The following LARGE1 variants were observed in gnomAD, a reference collection of about 807,000 sequenced individuals.
The protein encoded by LARGE1 is LARGE xylosyl- and glucuronyltransferase 1.
In LARGE1, 43 loss-of-function variants were observed where a neutral mutation model predicts 87.6. That is an observed-to-expected ratio of 0.49 (90% confidence interval 0.38 to 0.63). The LOEUF (loss-of-function observed/expected upper bound fraction) is 0.63. LARGE1 is among the 30% of genes least tolerant of loss of function. The pLI, the probability that LARGE1 is intolerant of heterozygous loss-of-function variation, is 0.00. For synonymous variants in LARGE1, 434 were observed against 394.6 expected (o/e 1.10, Z -1.18); for missense variants, 802 against 1,000.2 (o/e 0.80, Z 2.67).
intron 13 of LARGE1, among the ~76,000 whole-genome samples, chr22:33,277,704 C>A (rs1315689259): frequency 1.3e-5 from 2 of 152,186 alleles, no homozygotes; most frequent in African/African-American, 4.8e-5. Context: ...TCTTGGACTT[C>A]CGGCCTCCAG....
intron 12 of LARGE1, among the ~76,000 whole-genome samples, chr22:33,299,310 T>C (rs1220911611): frequency 1.0e-5 from 1 of 96,922 alleles, no homozygotes; most frequent in Non-Finnish European, 2.1e-5. Context: ...AGGAAAGGAG[T>C]GGAGGGGAGG....
chr22:33,534,168 G>A (rs1430442986), intron 6 of LARGE1, among the ~76,000 whole-genome samples: 1 of 152,054 alleles, frequency 6.6e-6, no homozygotes, highest in Non-Finnish European at 1.5e-5. Context: ...ACTTTGGGAG[G>A]CCGAGGCAGG....
chr22:33,678,461 GGGGTGACT>G (rs1234784494), intron 2 of LARGE1, among the ~76,000 whole-genome samples: 1 of 152,154 alleles, frequency 6.6e-6, no homozygotes, highest in African/African-American at 2.4e-5. Context: ...TGGGGGAGGA[GGGGTGACT>G]GACATCGCAA....
chr22:33,745,374 C>G (rs1335125246), intron 2 of LARGE1, among the ~76,000 whole-genome samples: 2 of 152,158 alleles, frequency 1.3e-5, no homozygotes, highest in Non-Finnish European at 2.9e-5. Flanking sequence ...CCACTCACCT[C>G]TGAGTGTTTA....
chr22:33,716,097 G>T (rs1465558082), intron 2 of LARGE1, among the ~76,000 whole-genome samples: 2 of 152,018 alleles, frequency 1.3e-5, no homozygotes, highest in African/African-American at 4.8e-5. Context: ...CAGGTCACAG[G>T]TACCTCTTAC....
intron 9 of LARGE1, among the ~76,000 whole-genome samples, chr22:33,368,776 C>T (rs2064693005): frequency 6.6e-6 from 1 of 152,096 alleles, no homozygotes; most frequent in South Asian, 2.1e-4. Context: ...TTTTCCGATA[C>T]ATATAAAAAT....
rs141820138 is a variant in LARGE1 at position 33,616,868 on chromosome 22, G to A, written c.491+9376C>T. Among the ~76,000 whole-genome samples the A allele has an allele frequency of 2.4e-3, 359 of 152,308 alleles. 3 individuals are homozygous for A. The highest frequency in any genetic ancestry group is 6.8e-3 in the Middle Eastern group (2 of 294). On this transcript the variant is annotated intron_variant, in intron 4 of 14. Transcript: ENST00000397394. ...GATTTCTTTTTAAGGTTATAAAAAT[G>A]CTCTGATATTAAATACTGAGGATAG...
intron 5 of LARGE1, among the ~76,000 whole-genome samples, chr22:33,577,157 A>C (rs1408294218): frequency 6.6e-6 from 1 of 152,216 alleles, no homozygotes; most frequent in Non-Finnish European, 1.5e-5. Context: ...ACAGACACAA[A>C]AGTTGGTTCT....
At chr22:33,353,046 T>G (rs1940543946) in intron 9 of LARGE1, among the ~76,000 whole-genome samples, 1 of 152,184 alleles carries the variant, frequency 6.6e-6, no homozygotes, top group Non-Finnish European at 1.5e-5. Flanking sequence ...CCTAATTGGA[T>G]CTGACAAGAA....
intron 2 of LARGE1, among the ~76,000 whole-genome samples, chr22:33,666,633 G>C (rs2081274516): frequency 6.6e-6 from 1 of 152,204 alleles, no homozygotes; most frequent in Non-Finnish European, 1.5e-5. Context: ...GCTCAGGTCA[G>C]ACAGGAGAAG....
At chr22:33,646,680 T>G (rs1460719434) in intron 3 of LARGE1, among the ~76,000 whole-genome samples, 1 of 152,182 alleles carries the variant, frequency 6.6e-6, no homozygotes, top group Non-Finnish European at 1.5e-5. Context: ...ATAAAGAAAA[T>G]TCATCAATCC....
chr22:33,591,569 T>A (rs1029149754), intron 5 of LARGE1, among the ~76,000 whole-genome samples: 1 of 152,216 alleles, frequency 6.6e-6, no homozygotes, highest in Non-Finnish European at 1.5e-5. Context: ...ATCAGATAGA[T>A]GCTTGGCAAA....
At chr22:33,083,746 A>G in the LARGE1 span, among the ~76,000 whole-genome samples, 1 of 152,198 alleles carries the variant, frequency 6.6e-6, no homozygotes, top group Non-Finnish European at 1.5e-5. Context: ...ACAATGTAAG[A>G]GGTCATCTCT....
intron 11 of LARGE1, among the ~76,000 whole-genome samples, chr22:33,182,188 A>G (rs1013083173): frequency 1.3e-5 from 2 of 152,236 alleles, no homozygotes; most frequent in African/African-American, 4.8e-5. Context: ...TGATTAAGGT[A>G]AAATATAAGT....
intron 6 of LARGE1, among the ~76,000 whole-genome samples, chr22:33,508,944 C>A (rs1307300895): frequency 1.3e-5 from 2 of 152,134 alleles, no homozygotes; most frequent in East Asian, 3.9e-4. Flanking sequence ...TAACAACTAC[C>A]CTGGTGACAA....
At chr22:33,157,038 A>G in the LARGE1 span, among the ~76,000 whole-genome samples, 1 of 152,220 alleles carries the variant, frequency 6.6e-6, no homozygotes, top group Non-Finnish European at 1.5e-5. Flanking sequence ...CTACAGCCAC[A>G]TGGAACTGTA....
chr22:33,833,185 CTAATG>C (rs951306519), intron 1 of LARGE1, among the ~76,000 whole-genome samples: 1 of 152,190 alleles, frequency 6.6e-6, no homozygotes, highest in African/African-American at 2.4e-5. Flanking sequence ...AGATTTGAAA[CTAATG>C]TAATACTGAA....
chr22:33,879,212 C>T (rs1050638194), intron 1 of LARGE1, among the ~76,000 whole-genome samples: 2 of 152,134 alleles, frequency 1.3e-5, no homozygotes, highest in East Asian at 3.9e-4. Flanking sequence ...GTGATCTGCC[C>T]GCCTCGGCCT....
At chr22:33,409,213 A>G (rs528700369) in intron 7 of LARGE1, among the ~76,000 whole-genome samples, 2 of 152,296 alleles carry the variant, frequency 1.3e-5, no homozygotes, top group South Asian at 4.1e-4. Context: ...GAGATGCGGC[A>G]GGCAAGGGCT....
Sources: gnomAD v4.1 joint callset for allele counts (sites outside exome capture counted in the v4.1 genomes callset) on GRCh38, gnomAD v4.1.1 for gene constraint, MANE v1.5 for transcripts, NCBI Gene and HGNC (gene_info 2026-07-23, HGNC 2026-07-21) for gene names.